The following FYN variants were observed in gnomAD, a reference collection of about 807,000 sequenced individuals.
The protein encoded by FYN is tyrosine-protein kinase Fyn.
FYN carries 10 observed loss-of-function variants against 70.2 expected under a neutral mutation model. That is an observed-to-expected ratio of 0.14 (90% confidence interval 0.09 to 0.24). The LOEUF is 0.24. FYN is among the 10% of genes least tolerant of loss of function. The probability of loss-of-function intolerance (pLI) is 1.00; values close to 1 mark genes in which losing one functional copy is unlikely to be tolerated. For missense variants in FYN, 319 were observed against 673.1 expected, an observed-to-expected ratio of 0.47 and a Z score of 5.82; for synonymous variants, 236 against 248.6, an observed-to-expected ratio of 0.95 and a Z score of 0.48.
intron 3 of FYN, among the ~76,000 whole-genome samples, chr6:111,735,458 A>G (rs1333387647): frequency 1.3e-5 from 2 of 152,160 alleles, no homozygotes; most frequent in Non-Finnish European, 2.9e-5. Flanking sequence ...CATCATCATC[A>G]ATGAAGGGAG....
At chr6:111,800,145 C>A (rs1056754963) in intron 2 of FYN, among the ~76,000 whole-genome samples, 1 of 152,190 alleles carries the variant, frequency 6.6e-6, no homozygotes, top group Non-Finnish European at 1.5e-5. Context: ...CGGGTTTCTG[C>A]TGGCTCTTTG....
chr6:111,718,924 A>G (rs1230644400), intron 4 of FYN, among the ~76,000 whole-genome samples: 1 of 152,152 alleles, frequency 6.6e-6, no homozygotes, highest in Non-Finnish European at 1.5e-5. Flanking sequence ...TTGGGTGCAG[A>G]GGGAAAAAAA....
intron 13 of FYN, among the ~76,000 whole-genome samples, chr6:111,667,219 C>T (rs998652377): frequency 6.6e-6 from 1 of 151,992 alleles, no homozygotes; most frequent in East Asian, 1.9e-4. Context: ...GTAGTCTTCC[C>T]TTTTTCCTTT....
At chr6:111,801,305 T>C (rs958111081) in intron 2 of FYN, among the ~76,000 whole-genome samples, 29 of 152,196 alleles carry the variant, frequency 1.9e-4, no homozygotes, top group African/African-American at 4.8e-4. Context: ...TGAATTTACA[T>C]ATTCCAAGGT....
chr6:111,755,589 A>T (rs1355452883), intron 3 of FYN, among the ~76,000 whole-genome samples: 1 of 152,218 alleles, frequency 6.6e-6, no homozygotes, highest in East Asian at 1.9e-4. Context: ...AAATTCACGG[A>T]ATATTTAAAA....
At chr6:111,871,121 C>T (rs1774259630) in intron 1 of FYN, among the ~76,000 whole-genome samples, 1 of 152,192 alleles carries the variant, frequency 6.6e-6, no homozygotes, top group Admixed American at 6.5e-5. Context: ...ACAGGTTCAA[C>T]TTAAGTTTTG....
At chr6:111,683,988 GT>G (rs1798884867) in intron 12 of FYN, among the ~76,000 whole-genome samples, 3 of 152,194 alleles carry the variant, frequency 2.0e-5, no homozygotes, top group Admixed American at 2.0e-4. Context: ...ACAACTGGGT[GT>G]TTTCCAGTTA....
intron 3 of FYN, among the ~76,000 whole-genome samples, chr6:111,769,844 T>C (rs1204753230): frequency 6.6e-6 from 1 of 152,188 alleles, no homozygotes; most frequent in Non-Finnish European, 1.5e-5. Context: ...TACACTATCA[T>C]TTACAGGCAG....
intron 3 of FYN, among the ~76,000 whole-genome samples, chr6:111,751,315 A>G (rs1191013399): frequency 6.6e-6 from 1 of 152,148 alleles, no homozygotes; most frequent in East Asian, 1.9e-4. Flanking sequence ...CAGGTTGACA[A>G]CATCATGTTT....
intron 2 of FYN, among the ~76,000 whole-genome samples, chr6:111,838,494 A>C (rs561750223): frequency 3.5e-4 from 53 of 152,358 alleles, no homozygotes; most frequent in Non-Finnish European, 5.0e-4. Flanking sequence ...CTGAATGGCC[A>C]TACCCAAAGA....
intron 13 of FYN, among the ~76,000 whole-genome samples, chr6:111,666,931 C>T (rs7747990): frequency 9.2e-5 from 14 of 152,130 alleles, no homozygotes; most frequent in Admixed American, 3.3e-4. Context: ...ACATGGTCCC[C>T]GACATAGCAT....
At chr6:111,768,820 T>C (rs542631025) in intron 3 of FYN, among the ~76,000 whole-genome samples, 62 of 152,350 alleles carry the variant, frequency 4.1e-4, no homozygotes, top group African/African-American at 1.5e-3. Context: ...ACTCAGCCAC[T>C]TGGCTGGAGT....
chr6:111,720,304 C>T (rs1329609601), intron 3 of FYN, among the ~76,000 whole-genome samples: 1 of 152,154 alleles, frequency 6.6e-6, no homozygotes, highest in Non-Finnish European at 1.5e-5. Context: ...CAATGTTCAC[C>T]ATGCAGCAAC....
intron 2 of FYN, among the ~76,000 whole-genome samples, chr6:111,800,515 T>C (rs1771951565): frequency 6.6e-6 from 1 of 152,136 alleles, no homozygotes. Flanking sequence ...AAAAGTGAGC[T>C]TGATGCAGAA....
chr6:111,789,431 T>C (rs1181261654), intron 2 of FYN, among the ~76,000 whole-genome samples: 1 of 152,154 alleles, frequency 6.6e-6, no homozygotes, highest in Non-Finnish European at 1.5e-5. Context: ...GCAATAGTAG[T>C]AGTAGCAGCA....
intron 2 of FYN, among the ~76,000 whole-genome samples, chr6:111,826,209 T>C (rs1385602993): frequency 6.6e-6 from 1 of 152,060 alleles, no homozygotes; most frequent in Non-Finnish European, 1.5e-5. Context: ...GTTTTTTCCC[T>C]TGTGAAATGG....
At chr6:111,778,038 G>C (rs1324176343) in intron 3 of FYN, among the ~76,000 whole-genome samples, 2 of 152,214 alleles carry the variant, frequency 1.3e-5, no homozygotes, top group Admixed American at 1.3e-4. Flanking sequence ...AGAGGATTGG[G>C]TGTCTATTAA....
chr6:111,775,030 A>G (rs1302621143), intron 3 of FYN, among the ~76,000 whole-genome samples: 2 of 152,050 alleles, frequency 1.3e-5, no homozygotes, highest in East Asian at 3.9e-4. Context: ...GCTGTTTACA[A>G]ACTTAAATGA....
Position 111,780,504 on chromosome 6 carries a change from C to T in FYN, c.-12+62G>A, listed in dbSNP as rs1039350828. ...AAAGATGGACAGAACAAGGCAACAG[C>T]TTCCCTTCGTGAGCACCCTTTTACA... On this transcript the variant is annotated intron_variant, in intron 3 of 13. Coordinates refer to ENST00000354650, the MANE Select transcript of FYN (RefSeq NM_002037.5). 3.3e-5 allele frequency: 5 copies of T among 152,738 alleles called. No individual in the cohort carries two copies. In the East Asian group the frequency reaches 7.7e-4, roughly 24 times the overall value. 9.5% of individuals were successfully genotyped at this position (152,738 alleles called of 1,614,324 possible).
Sources: allele counts gnomAD v4.1 joint callset (sites outside exome capture counted in the v4.1 genomes callset), GRCh38; gene constraint gnomAD v4.1.1; transcripts MANE v1.5; gene names NCBI Gene and HGNC (gene_info 2026-07-23, HGNC 2026-07-21).